The following AP4S1 variants were observed in gnomAD, a reference collection of about 807,000 sequenced individuals.
The protein encoded by AP4S1 is adaptor related protein complex 4 subunit sigma 1.
A neutral mutation model predicts 19.8 loss-of-function variants in AP4S1; 23 were observed. That is an observed-to-expected ratio of 1.16 (90% CI 0.84 to 1.65). The LOEUF (loss-of-function observed/expected upper bound fraction) is 1.65, where lower values mean the gene tolerates loss of function less well. AP4S1 is among the 40% of genes most tolerant of loss of function. The probability of loss-of-function intolerance (pLI) is 0.00; values close to 1 mark genes in which losing one functional copy is unlikely to be tolerated. For missense variants in AP4S1, 166 were observed against 172.8 expected (o/e 0.96, Z 0.22); for synonymous variants, 46 against 54.1 (o/e 0.85, Z 0.66).
intron 1 of AP4S1, among the ~76,000 whole-genome samples, chr14:31,060,299 C>T (rs552206430): frequency 3.2e-4 from 49 of 152,114 alleles, no homozygotes; most frequent in African/African-American, 1.1e-3. Flanking sequence ...ACGGGGCCTA[C>T]TGTGGGACTT....
chr14:31,030,795 C>T (rs141418888), intron 1 of AP4S1, among the ~76,000 whole-genome samples: 4 of 152,264 alleles, frequency 2.6e-5, no homozygotes, highest in African/African-American at 9.6e-5. Context: ...TAGCACCAAC[C>T]ACTCTGGCTT....
At chr14:31,061,360 A>G (rs751866976) in intron 1 of AP4S1, among the ~76,000 whole-genome samples, 3 of 152,180 alleles carry the variant, frequency 2.0e-5, no homozygotes, top group Non-Finnish European at 4.4e-5. Context: ...TGCCTCATCA[A>G]ACAGATAATT....
chr14:31,064,697 C>A (rs1310046598), intron 1 of AP4S1, among the ~76,000 whole-genome samples: 1 of 152,176 alleles, frequency 6.6e-6, no homozygotes, highest in Non-Finnish European at 1.5e-5. Flanking sequence ...TGGCTCACGC[C>A]CGTAATCCCA....
intron 5 of AP4S1, among the ~76,000 whole-genome samples, chr14:31,081,858 G>GAT (rs369722847): frequency 8.6e-5 from 13 of 150,612 alleles, no homozygotes; most frequent in East Asian, 2.0e-4. Context: ...GTATATATAT[G>GAT]ATATATATAT....
intron 1 of AP4S1, among the ~76,000 whole-genome samples, chr14:31,040,207 A>G (rs1885031921): frequency 7.0e-6 from 1 of 143,302 alleles, no homozygotes; most frequent in Admixed American, 7.3e-5. Flanking sequence ...GCTGGAGTGC[A>G]GTGGCCTAGT....
In AP4S1 at chr14:31,025,696, AGTGAAGGTTGGGGAGCAAGCTTAT is replaced by A; in HGVS notation, c.-161_-138del. 1.4e-6 allele frequency: 1 copy of A among 728,012 alleles called. No homozygotes were observed. The highest frequency in any genetic ancestry group is 2.1e-6 in the Non-Finnish European group (1 of 465,272). The allele number at this position is 728,012 out of a possible 1,614,324, so 45.1% of individuals were successfully genotyped here. On this transcript the variant is annotated 5_prime_UTR_variant, in exon 1 of 6. An upstream start codon of the reference 5' UTR is lost. Coordinates refer to ENST00000542754, the MANE Select transcript of AP4S1 (RefSeq NM_001128126.3). The stretch of plus-strand genomic sequence containing the variant: ...CCGAGGAGGCCCGCACCGCGTAGCC[AGTGAAGGTTGGGGAGCAAGCTTAT>A]GCGGGAAAGAGGGAGGGGGACTCCA...
chr14:31,066,647 A>G (rs547315872), intron 2 of AP4S1, among the ~76,000 whole-genome samples: 1 of 152,256 alleles, frequency 6.6e-6, no homozygotes, highest in African/African-American at 2.4e-5. Context: ...TTTCATTCCT[A>G]TGAATTCAGC....
chr14:31,039,184 T>C (rs1884950697), intron 1 of AP4S1, among the ~76,000 whole-genome samples: 1 of 151,944 alleles, frequency 6.6e-6, no homozygotes, highest in Non-Finnish European at 1.5e-5. Flanking sequence ...TAGCTTTTAC[T>C]TTTTCTTTAC....
chr14:31,066,424 T>G, intron 2 of AP4S1, 90 bp downstream of exon 2: 3 of 1,526,252 alleles, frequency 2.0e-6, no homozygotes, highest in South Asian at 2.3e-5. Context: ...TCATTTTCTT[T>G]GAGCTATATT....
At chr14:31,039,241 A>G (rs1261661293) in intron 1 of AP4S1, among the ~76,000 whole-genome samples, 1 of 151,852 alleles carries the variant, frequency 6.6e-6, no homozygotes. Context: ...GCTGGAGTGC[A>G]GTAGCGTGCT....
chr14:31,055,421 T>C (rs977052689), intron 1 of AP4S1, among the ~76,000 whole-genome samples: 2 of 152,188 alleles, frequency 1.3e-5, no homozygotes, highest in African/African-American at 4.8e-5. Context: ...CCTAGCCTGT[T>C]CTAGGAATGT....
rs189933613 is a variant in AP4S1, at chr14:31,073,257, A to G, written c.294+284A>G. 0.19 allele frequency: 65,703 copies of G among 348,786 alleles called. 7,494 individuals are homozygous for G. The highest frequency in any genetic ancestry group is 0.31 in the South Asian group (12,188 of 39,386). 21.6% of individuals were successfully genotyped at this position (348,786 alleles called of 1,614,324 possible). On this transcript the variant is annotated intron_variant, in intron 4 of 5. Coordinates refer to ENST00000542754, the MANE Select transcript of AP4S1 (RefSeq NM_001128126.3). ...TGTAATCCCAGCACTTTGGGAGGCT[A>G]AGGTGGGCAGATCACAAGGTCAGGA...
At chr14:31,035,091 G>T (rs1328561960) in intron 1 of AP4S1, among the ~76,000 whole-genome samples, 1 of 151,048 alleles carries the variant, frequency 6.6e-6, no homozygotes, top group Non-Finnish European at 1.5e-5. Flanking sequence ...TATTTCATTA[G>T]TACATAGTTC....
At chr14:31,045,635 C>T (rs1885353035) in intron 1 of AP4S1, among the ~76,000 whole-genome samples, 1 of 152,098 alleles carries the variant, frequency 6.6e-6, no homozygotes, top group African/African-American at 2.4e-5. Context: ...TCGGGCAGTT[C>T]TTTATAGCAG....
At chr14:31,034,478 A>T (rs1427471061) in intron 1 of AP4S1, among the ~76,000 whole-genome samples, 2 of 152,098 alleles carry the variant, frequency 1.3e-5, no homozygotes, top group Non-Finnish European at 2.9e-5. Flanking sequence ...TGGGGGGGAA[A>T]CAAACTCTCA....
At chr14:31,064,408 G>A (rs1886605539) in intron 1 of AP4S1, among the ~76,000 whole-genome samples, 1 of 151,990 alleles carries the variant, frequency 6.6e-6, no homozygotes, top group South Asian at 2.1e-4. Context: ...TGCAACCTCC[G>A]CCTCCCGGAT....
rs758966011 is a variant in AP4S1 at position 31,053,589 on chromosome 14, C to CT, written c.-71-12508dup. Reference sequence around the variant, plus strand: ...AACACATCTTTTTAGTGACTTTTTTCTTTTTTTTTTTTTTTTTTTTTTTTT... The same window carrying CT: ...AACACATCTTTTTAGTGACTTTTTTCTTTTTTTTTTTTTTTTTTTTTTTTTT... On this transcript the variant is annotated intron_variant, in intron 1 of 5. Coordinates refer to ENST00000542754, the MANE Select transcript of AP4S1 (RefSeq NM_001128126.3). Among the ~76,000 whole-genome samples, 655 of 71,214 alleles carry CT rather than the reference C, an allele frequency of 9.2e-3. 57 individuals carry two copies. Among genetic ancestry groups the CT allele is most frequent in the South Asian group, 0.029 (41 of 1,410 alleles). 46.7% of individuals were successfully genotyped at this position (71,214 alleles called of 152,430 possible).
At chr14:31,031,673 T>G (rs940934951) in intron 1 of AP4S1, among the ~76,000 whole-genome samples, 1 of 152,194 alleles carries the variant, frequency 6.6e-6, no homozygotes, top group African/African-American at 2.4e-5. Context: ...TTCTAGAATC[T>G]TGTCCTCTGT....
At chr14:31,029,472 T>C (rs1039957887) in intron 1 of AP4S1, among the ~76,000 whole-genome samples, 2 of 152,244 alleles carry the variant, frequency 1.3e-5, no homozygotes, top group Non-Finnish European at 2.9e-5. Flanking sequence ...TGTATAATGC[T>C]ATTTCATTCC....
Sources: allele counts gnomAD v4.1 joint callset (sites outside exome capture counted in the v4.1 genomes callset), GRCh38; gene constraint gnomAD v4.1.1; transcripts MANE v1.5; gene names NCBI Gene and HGNC (gene_info 2026-07-23, HGNC 2026-07-21).